The following ESR1 variants were observed in gnomAD, a reference collection of about 807,000 sequenced individuals.
The protein encoded by ESR1 is estrogen receptor 1.
Under a neutral mutation model 52.7 loss-of-function variants are expected in ESR1, and 12 were observed. The observed-to-expected ratio is 0.23, with a 90% CI of 0.15 to 0.37. The LOEUF (loss-of-function observed/expected upper bound fraction) is 0.37. ESR1 is among the 10% of genes least tolerant of loss of function. The pLI is 1.00. For synonymous variants in ESR1, 305 were observed against 316.8 expected, an observed-to-expected ratio of 0.96 and a Z score of 0.39; for missense variants, 584 against 779.7, an observed-to-expected ratio of 0.75 and a Z score of 2.99.
intron 1 of ESR1, among the ~76,000 whole-genome samples, chr6:151,684,982 G>GA (rs1778599306): frequency 6.6e-6 from 1 of 152,120 alleles, no homozygotes; most frequent in Admixed American, 6.5e-5. Flanking sequence ...GGTTTACAGA[G>GA]ATTTTTCTTC....
At chr6:151,893,611 C>A (rs1231653793) in intron 3 of ESR1, among the ~76,000 whole-genome samples, 1 of 152,020 alleles carries the variant, frequency 6.6e-6, no homozygotes, top group African/African-American at 2.4e-5. Context: ...AATAGTATTT[C>A]AATACAGAAT....
At chr6:151,897,285 G>A (rs886337487) in intron 3 of ESR1, among the ~76,000 whole-genome samples, 55 of 152,088 alleles carry the variant, frequency 3.6e-4, no homozygotes, top group Non-Finnish European at 2.2e-4. Context: ...GAGTATTGAA[G>A]TCCCCCACTA....
intron 5 of ESR1, among the ~76,000 whole-genome samples, chr6:152,049,394 A>G (rs929526054): frequency 6.6e-6 from 1 of 152,200 alleles, no homozygotes; most frequent in Admixed American, 6.5e-5. Flanking sequence ...ATGTGAAAAA[A>G]GTAAATAGCA....
chr6:151,706,770 A>G (rs1780216352), intron 2 of ESR1, among the ~76,000 whole-genome samples: 1 of 152,198 alleles, frequency 6.6e-6, no homozygotes, highest in East Asian at 1.9e-4. Context: ...AGACCAAACT[A>G]TAGAAATCTG....
At chr6:151,760,618 G>T (rs964611565) in intron 2 of ESR1, among the ~76,000 whole-genome samples, 1 of 152,064 alleles carries the variant, frequency 6.6e-6, no homozygotes, top group East Asian at 1.9e-4. Flanking sequence ...GCTTATTTGC[G>T]CTCCCCAGCC....
At chr6:152,058,782 A>G (rs1392987268) in intron 5 of ESR1, among the ~76,000 whole-genome samples, 2 of 152,178 alleles carry the variant, frequency 1.3e-5, no homozygotes, top group African/African-American at 4.8e-5. Context: ...ATAGGCTCTC[A>G]GTAAATCTTG....
intron 1 of ESR1, among the ~76,000 whole-genome samples, chr6:151,835,008 A>G (rs1224038296): frequency 6.6e-6 from 1 of 152,100 alleles, no homozygotes; most frequent in Non-Finnish European, 1.5e-5. Flanking sequence ...CTACTATAAT[A>G]GGGAGAGTTC....
chr6:152,078,065 A>C (rs2048885954), intron 6 of ESR1, among the ~76,000 whole-genome samples: 1 of 152,194 alleles, frequency 6.6e-6, no homozygotes, highest in Admixed American at 6.5e-5. Flanking sequence ...CCCAAATCTC[A>C]TCTTGAATTA....
At chr6:152,058,769 G>A (rs1189196465) in intron 5 of ESR1, among the ~76,000 whole-genome samples, 1 of 152,148 alleles carries the variant, frequency 6.6e-6, no homozygotes, top group African/African-American at 2.4e-5. Context: ...GAACTAGTAT[G>A]TAATAGGCTC....
At chr6:151,816,903 G>A (rs11968236) in intron 1 of ESR1, among the ~76,000 whole-genome samples, 5,278 of 152,080 alleles carry the variant, frequency 0.035, 161 homozygotes, top group African/African-American at 0.084. Context: ...AAAAACAAAG[G>A]CACTCCAAAT....
chr6:151,973,919 G>A (rs79410573), intron 4 of ESR1, among the ~76,000 whole-genome samples: 9,336 of 152,070 alleles, frequency 0.061, 928 homozygotes, highest in African/African-American at 0.21. Context: ...TTCAGTTTTC[G>A]TCATTGATTT....
intron 2 of ESR1, among the ~76,000 whole-genome samples, chr6:151,724,887 A>G (rs2128027481): frequency 6.6e-6 from 1 of 152,274 alleles, no homozygotes; most frequent in African/African-American, 2.4e-5. Flanking sequence ...TCTTTTTCAT[A>G]ATTCACCTGC....
chr6:151,977,963 G>GAAAAAAAAAAAAAAA (rs5880951), intron 4 of ESR1, among the ~76,000 whole-genome samples: 17 of 118,350 alleles, frequency 1.4e-4, no homozygotes, highest in Admixed American at 1.8e-4. Flanking sequence ...AAAAAAAAAA[G>GAAAAAAAAAAAAAAA]AAAAAAAAAA....
rs549869423 is a variant in ESR1 at position 151,845,619 on chromosome 6, G to A, written c.643+2832G>A. Among the ~76,000 whole-genome samples the A allele has an allele frequency of 4.3e-4, 66 of 152,142 alleles. 1 individual carries two copies. The highest frequency in any genetic ancestry group is 1.3e-3 in the African/African-American group (56 of 41,520). ...CCACTAACAAAAACCTCTTATCGCCGTCTTGTATACGCAGACCAGCTAGTA... is the reference window on the plus strand; with the variant it reads ...CCACTAACAAAAACCTCTTATCGCCATCTTGTATACGCAGACCAGCTAGTA... On this transcript the variant is annotated intron_variant, in intron 2 of 7. Transcript: ENST00000206249.
chr6:151,980,761 T>C (rs1183560546), intron 4 of ESR1, among the ~76,000 whole-genome samples: 4 of 152,216 alleles, frequency 2.6e-5, no homozygotes, highest in African/African-American at 7.2e-5. Flanking sequence ...TGGAGTGCTG[T>C]GGTGCAATCT....
At chr6:151,770,122 G>A (rs547909452) in intron 2 of ESR1, among the ~76,000 whole-genome samples, 1 of 152,170 alleles carries the variant, frequency 6.6e-6, no homozygotes, top group Non-Finnish European at 1.5e-5. Context: ...CATGATAGGT[G>A]AGTTAAGAAG....
chr6:152,005,023 C>T (rs1204259314), intron 4 of ESR1, among the ~76,000 whole-genome samples: 7 of 151,126 alleles, frequency 4.6e-5, no homozygotes, highest in Non-Finnish European at 1.0e-4. Flanking sequence ...GCCTGAAGAA[C>T]ACCACTTTGT....
chr6:151,774,000 G>T (rs1785738840), intron 2 of ESR1, among the ~76,000 whole-genome samples: 1 of 138,572 alleles, frequency 7.2e-6, no homozygotes, highest in Admixed American at 7.4e-5. Flanking sequence ...GGACAGACTG[G>T]GACATGATGC....
chr6:151,779,890 A>G (rs1317969693), intron 2 of ESR1, among the ~76,000 whole-genome samples: 1 of 118,576 alleles, frequency 8.4e-6, no homozygotes, highest in Non-Finnish European at 1.8e-5. Flanking sequence ...ACAGAGCGAG[A>G]CTCCGTCTCA....
Sources: gnomAD v4.1 joint callset for allele counts (sites outside exome capture counted in the v4.1 genomes callset) on GRCh38, gnomAD v4.1.1 for gene constraint, MANE v1.5 for transcripts, NCBI Gene and HGNC (gene_info 2026-07-23, HGNC 2026-07-21) for gene names.